Variants in CEP89 observed in about 807,000 individuals in gnomAD.
The protein encoded by CEP89 is centrosomal protein of 89 kDa.
Under a neutral mutation model 97.6 loss-of-function variants are expected in CEP89, and 95 were observed. The observed-to-expected ratio is 0.97, with a 90% CI of 0.82 to 1.15. The LOEUF is 1.15. CEP89 is among the 50% of genes most tolerant of loss of function. The pLI is 0.00. For synonymous variants in CEP89, 354 were observed against 349.1 expected, an observed-to-expected ratio of 1.01 and a Z score of -0.16; for missense variants, 869 against 947.7, an observed-to-expected ratio of 0.92 and a Z score of 1.09.
intron 9 of CEP89, among the ~76,000 whole-genome samples, chr19:32,930,810 G>A (rs761652200): frequency 3.9e-5 from 6 of 152,160 alleles, no homozygotes; most frequent in Non-Finnish European, 8.8e-5. Flanking sequence ...TTAATGCACT[G>A]ACAACAGCTG....
intron 14 of CEP89, among the ~76,000 whole-genome samples, chr19:32,907,769 T>A (rs1969919249): frequency 6.6e-6 from 1 of 152,194 alleles, no homozygotes; most frequent in African/African-American, 2.4e-5. Context: ...GTAATTTTAG[T>A]AGAGACAGGC....
At chr19:32,917,232 C>A (rs1213741397) in intron 13 of CEP89, among the ~76,000 whole-genome samples, 2 of 152,098 alleles carry the variant, frequency 1.3e-5, no homozygotes, top group Non-Finnish European at 2.9e-5. Context: ...ATAAGAGGCT[C>A]CACAACTCTG....
Position 32,896,757 on chromosome 19 carries a change from TTC to T in CEP89, c.1875+3098_1875+3099del, listed in dbSNP as rs547059512. Reference sequence around the variant, plus strand: ...TACCCAGGATATACAAGGAACTCAGTTCTCTCTGTCTCTCTCTCTCTCTTTTT... The same window carrying T: ...TACCCAGGATATACAAGGAACTCAGTTCTCTGTCTCTCTCTCTCTCTTTTT... On this transcript the variant is annotated intron_variant, in intron 16 of 18. Coordinates refer to ENST00000305768, the MANE Select transcript of CEP89 (RefSeq NM_032816.5). Among the ~76,000 whole-genome samples the T allele has an allele frequency of 4.0e-3, 600 of 151,678 alleles. 6 individuals carry two copies. Among genetic ancestry groups the T allele is most frequent in the African/African-American group, 0.013 (559 of 41,432 alleles).
chr19:32,902,010 C>CTGTGTGTGTGTGTGTGTG (rs929591410), intron 14 of CEP89, among the ~76,000 whole-genome samples: 398 of 133,788 alleles, frequency 3.0e-3, no homozygotes, highest in African/African-American at 7.2e-3. Flanking sequence ...CTCTCTCTCT[C>CTGTGTGTGTGTGTGTGTG]TGTGTGTGTG....
In CEP89 at chr19:32,939,851, T is replaced by C. The variant is rs756709284; in HGVS notation, c.624+6A>G. ...GAAAATCAGTTTTTAAAAAAAATGATCTTACCTTTAAATTCAGAACAGGGT... is the reference window on the plus strand; with the variant it reads ...GAAAATCAGTTTTTAAAAAAAATGACCTTACCTTTAAATTCAGAACAGGGT... On this transcript the variant is annotated splice_donor_region_variant and intron_variant, in intron 6 of 18. Coordinates refer to ENST00000305768, the MANE Select transcript of CEP89 (RefSeq NM_032816.5). 2 of 1,217,354 alleles carry C rather than the reference T, an allele frequency of 1.6e-6. No homozygotes were observed. The highest frequency in any genetic ancestry group is 1.2e-6 in the Non-Finnish European group (1 of 847,686). The allele number at this position is 1,217,354 out of a possible 1,614,324, so 75.4% of individuals were successfully genotyped here. A position where few individuals can be genotyped will look rare whatever the true frequency, so the allele number is the denominator to read the frequency against.
intron 14 of CEP89, among the ~76,000 whole-genome samples, chr19:32,908,911 C>G (rs908798573): frequency 1.3e-5 from 2 of 152,142 alleles, no homozygotes; most frequent in East Asian, 1.9e-4. Context: ...GGGCAAGCCT[C>G]GAGGTGTGGT....
chr19:32,901,295 C>A lies in CEP89; in HGVS notation c.1683G>T (p.Glu561Asp). ...GTTCGGCTTCCAGTGCTTTGTTTTG[C>A]TCTGTCAAACTGTTCTTCTCTAACA... ...SLLLEKNSLT[E>D]QNKALEAELE... The change falls in exon 15 of 19, where the codon GAG (glutamate) becomes GAT (aspartate). Residue 561 changes from glutamate (E) to aspartate (D), a missense_variant. By Grantham distance (45) the Glu-to-Asp change is conservative. Coordinates refer to ENST00000305768, the MANE Select transcript of CEP89 (RefSeq NM_032816.5). 1 of 1,614,110 alleles carries A rather than the reference C, an allele frequency of 6.2e-7. No individual in the cohort carries two copies. Among genetic ancestry groups the A allele is most frequent in the Non-Finnish European group, 8.5e-7 (1 of 1,180,020 alleles).
intron 10 of CEP89, among the ~76,000 whole-genome samples, chr19:32,926,611 G>A (rs752299895): frequency 6.6e-5 from 10 of 152,194 alleles, no homozygotes; most frequent in Non-Finnish European, 2.9e-5. Context: ...GCCCAGGCTC[G>A]CGTGCAGTGG....
intron 5 of CEP89, among the ~76,000 whole-genome samples, chr19:32,948,047 T>C (rs1403728923): frequency 6.6e-6 from 1 of 152,176 alleles, no homozygotes; most frequent in Non-Finnish European, 1.5e-5. Flanking sequence ...GCTCAAGGGA[T>C]CCTCCAGCCT....
At chr19:32,961,412 T>C (rs1368197706) in intron 2 of CEP89, among the ~76,000 whole-genome samples, 2 of 104,416 alleles carry the variant, frequency 1.9e-5, no homozygotes, top group Non-Finnish European at 3.9e-5. Context: ...CTACCAAAAA[T>C]ACAAAAAAAA....
chr19:32,915,918 GAAAAAA>G (rs67539579), intron 13 of CEP89, among the ~76,000 whole-genome samples: 3 of 119,682 alleles, frequency 2.5e-5, no homozygotes, highest in East Asian at 2.6e-4. Context: ...GACTCTCTCA[GAAAAAA>G]AAAAAAAAAA....
At position 32,878,092 on chromosome 19, in the gene CEP89, T is replaced by C. The variant is rs1969203769; in HGVS notation, c.*1070A>G. 6.6e-6 allele frequency: 1 copy of C among 152,148 alleles called. No individual in the cohort carries two copies. The highest frequency in any genetic ancestry group is 1.5e-5 in the Non-Finnish European group (1 of 68,060). 9.4% of individuals were successfully genotyped at this position (152,148 alleles called of 1,614,324 possible). On this transcript the variant is annotated 3_prime_UTR_variant, in exon 19 of 19. Coordinates refer to ENST00000305768, the MANE Select transcript of CEP89 (RefSeq NM_032816.5). ...ACCATGGCTGGCCTACAAAAATTTT[T>C]TTTTTACAAAATTAGCCAGGCATGT...
At chr19:32,959,828 C>T in intron 3 of CEP89, 72 bp downstream of exon 3, 1 of 1,555,434 alleles carries the variant, frequency 6.4e-7, no homozygotes, top group Non-Finnish European at 8.8e-7. Flanking sequence ...TGCACACATA[C>T]ACGTAGAGAC....
intron 16 of CEP89, among the ~76,000 whole-genome samples, chr19:32,890,390 A>G (rs575562060): frequency 6.6e-6 from 1 of 151,270 alleles, no homozygotes; most frequent in African/African-American, 2.4e-5. Flanking sequence ...ACACAGCGAG[A>G]CTCCATCTCA....
chr19:32,964,704 G>A (rs1211352917), intron 2 of CEP89, among the ~76,000 whole-genome samples: 2 of 152,130 alleles, frequency 1.3e-5, no homozygotes, highest in Non-Finnish European at 2.9e-5. Flanking sequence ...TAAAATTCTA[G>A]AAAATACAAG....
chr19:32,923,676 A>C, intron 11 of CEP89, 134 bp from the exon 12 acceptor site: 1 of 632,096 alleles, frequency 1.6e-6, no homozygotes, highest in Non-Finnish European at 2.8e-6. Context: ...GCCAGCCTTC[A>C]ACTCTCGGTA....
intron 3 of CEP89, among the ~76,000 whole-genome samples, chr19:32,958,050 G>A (rs868859329): frequency 6.7e-6 from 1 of 149,658 alleles, no homozygotes; most frequent in South Asian, 2.1e-4. Flanking sequence ...AATGGGGATA[G>A]TCCAGCACTC....
intron 16 of CEP89, among the ~76,000 whole-genome samples, chr19:32,890,556 G>C (rs1257290432): frequency 6.6e-6 from 1 of 152,148 alleles, no homozygotes; most frequent in Non-Finnish European, 1.5e-5. Flanking sequence ...ACGGGAACTC[G>C]ACAGGGGAGG....
At chr19:32,958,065 G>A (rs1391744574) in intron 3 of CEP89, among the ~76,000 whole-genome samples, 1 of 150,756 alleles carries the variant, frequency 6.6e-6, no homozygotes, top group Non-Finnish European at 1.5e-5. Context: ...GCACTCCTGT[G>A]GGTCAGACCA....
Sources: allele counts gnomAD v4.1 joint callset (sites outside exome capture counted in the v4.1 genomes callset), GRCh38; gene constraint gnomAD v4.1.1; transcripts MANE v1.5; gene names NCBI Gene and HGNC (gene_info 2026-07-23, HGNC 2026-07-21).